ZDHHC2: variants seen among roughly 807,000 people sequenced by gnomAD.
ZDHHC2 encodes the protein palmitoyltransferase ZDHHC2.
Under a neutral mutation model 55.6 loss-of-function variants are expected in ZDHHC2, and 51 were observed. The observed-to-expected ratio is 0.92, with a 90% CI of 0.73 to 1.16. The LOEUF (loss-of-function observed/expected upper bound fraction) is 1.16. Among genes scored for constraint, ZDHHC2 ranks in the 50% most tolerant of loss-of-function variants. ZDHHC2 has a pLI of 0.00. For synonymous variants in ZDHHC2, 199 were observed against 152.9 expected (o/e 1.30, Z -2.22); for missense variants, 491 against 442.4 (o/e 1.11, Z -0.99).
chr8:17,208,003 T>C lies in ZDHHC2; in HGVS notation c.641T>C (p.Leu214Ser), dbSNP rs762632269. The C allele has an allele frequency of 1.9e-6, 3 of 1,594,310 alleles. No individual in the cohort carries two copies. Among genetic ancestry groups the C allele is most frequent in the East Asian group, 2.3e-5 (1 of 44,188 alleles). The change falls in exon 8 of 13, where the codon TTA (leucine) becomes TCA (serine). Residue 214 changes from leucine (L) to serine (S), a missense_variant. By Grantham distance (145) the Leu-to-Ser change is moderately radical. Transcript: ENST00000262096. ...CAAGCCAAGTTCCATATTATGTTTT[T>C]ATTCTTTGCTGCAGCTATGTTTTCT... ...DTQAKFHIMF[L>S]FFAAAMFSVS...
chr8:17,204,961 C>G (rs528002591), intron 6 of ZDHHC2, among the ~76,000 whole-genome samples: 32 of 152,234 alleles, frequency 2.1e-4, no homozygotes, highest in African/African-American at 7.5e-4. Context: ...GGAGTGAGAA[C>G]TGAGATTTAT....
At chr8:17,201,803 C>A (rs1462807029) in intron 6 of ZDHHC2, among the ~76,000 whole-genome samples, 3 of 151,760 alleles carry the variant, frequency 2.0e-5, no homozygotes, top group Non-Finnish European at 1.5e-5. Context: ...GCCAGGGCAG[C>A]TTTTTTATAC....
chr8:17,175,660 A>G (rs1386159252), intron 1 of ZDHHC2, among the ~76,000 whole-genome samples: 1 of 152,244 alleles, frequency 6.6e-6, no homozygotes, highest in African/African-American at 2.4e-5. Flanking sequence ...TGAGATAAAC[A>G]TTGAGATAAT....
At chr8:17,186,494 C>G in intron 3 of ZDHHC2, 69 bp downstream of exon 3, 4 of 919,668 alleles carry the variant, frequency 4.3e-6, no homozygotes, top group South Asian at 2.4e-5. Context: ...TATTGAAGAA[C>G]GAATTTTATT....
At chr8:17,220,179 A>C (rs1233044103) in intron 12 of ZDHHC2, 77 bp from the exon 13 acceptor site, 1 of 152,216 alleles carries the variant, frequency 6.6e-6, no homozygotes, top group Non-Finnish European at 1.5e-5. Context: ...TTATTGAAAC[A>C]GATTATGAAA....
At chr8:17,217,061 A>T (rs886660878) in intron 11 of ZDHHC2, 111 bp from the exon 12 acceptor site, 3 of 985,008 alleles carry the variant, frequency 3.0e-6, no homozygotes, top group Non-Finnish European at 4.6e-6. Context: ...TATTATGTAC[A>T]AGGCACCTTT....
chr8:17,214,078 G>C (rs907131497), intron 10 of ZDHHC2, among the ~76,000 whole-genome samples: 5 of 152,144 alleles, frequency 3.3e-5, no homozygotes, highest in African/African-American at 1.2e-4. Flanking sequence ...ATTCTTGAAA[G>C]AGTTTTAAGT....
intron 3 of ZDHHC2, among the ~76,000 whole-genome samples, 177 bp downstream of exon 3, chr8:17,186,602 G>A (rs775775700): frequency 7.9e-5 from 12 of 152,098 alleles, no homozygotes; most frequent in Admixed American, 6.5e-4. Flanking sequence ...AAATATTAGT[G>A]TTTTCACCAG....
At chr8:17,202,754 C>CAT in intron 6 of ZDHHC2, among the ~76,000 whole-genome samples, 2 of 150,784 alleles carry the variant, frequency 1.3e-5, no homozygotes, top group Admixed American at 1.3e-4. Flanking sequence ...CACACACACA[C>CAT]ATATACATGC....
chr8:17,176,760 A>C (rs1461808829), intron 1 of ZDHHC2, among the ~76,000 whole-genome samples: 1 of 152,164 alleles, frequency 6.6e-6, no homozygotes, highest in African/African-American at 2.4e-5. Flanking sequence ...GAGTTTGGAG[A>C]GAAAGGCAGG....
chr8:17,201,481 C>CTTTTTTTTTTT lies in ZDHHC2; in HGVS notation c.476+3088_476+3098dup, dbSNP rs1171396792. Among the ~76,000 whole-genome samples the CTTTTTTTTTTT allele has an allele frequency of 5.8e-4, 14 of 24,332 alleles. 2 individuals are homozygous for CTTTTTTTTTTT. The highest frequency in any genetic ancestry group is 1.9e-3 in the South Asian group (1 of 524). 16.0% of individuals were successfully genotyped at this position (24,332 alleles called of 152,430 possible). On this transcript the variant is annotated intron_variant, in intron 6 of 12. Transcript: ENST00000262096. ...GGGGCAGCCTTTTCTCTCTCTCTCT[C>CTTTTTTTTTTT]TTTTTTTTTTTTTTTTTTTTTTTTT... is the stretch of plus-strand genomic sequence containing the variant.
intron 1 of ZDHHC2, among the ~76,000 whole-genome samples, chr8:17,180,736 G>C (rs1805391298): frequency 6.6e-6 from 1 of 152,212 alleles, no homozygotes; most frequent in Non-Finnish European, 1.5e-5. Flanking sequence ...AAGCCAGCAA[G>C]TGGCAGAGGC....
chr8:17,161,879 A>G (rs1405769104), intron 1 of ZDHHC2, among the ~76,000 whole-genome samples: 1 of 152,218 alleles, frequency 6.6e-6, no homozygotes, highest in African/African-American at 2.4e-5. Flanking sequence ...AAAAAATAAA[A>G]AAAAGAAATT....
intron 1 of ZDHHC2, among the ~76,000 whole-genome samples, chr8:17,159,085 G>A (rs1203660843): frequency 6.6e-6 from 1 of 152,222 alleles, no homozygotes; most frequent in African/African-American, 2.4e-5. Context: ...CCTTGGTCGA[G>A]TGGGAAGTTG....
chr8:17,186,966 A>G (rs773552964), intron 3 of ZDHHC2, among the ~76,000 whole-genome samples: 9 of 152,156 alleles, frequency 5.9e-5, no homozygotes, highest in Admixed American at 2.0e-4. Context: ...CAACCATCAC[A>G]TCTACATTGT....
In ZDHHC2 at chr8:17,199,589, T is replaced by TTC. The variant is rs1563161581; in HGVS notation, c.476+1177_476+1178insCT. On this transcript the variant is annotated intron_variant, in intron 6 of 12. Coordinates refer to ENST00000262096, the MANE Select transcript of ZDHHC2 (RefSeq NM_016353.5). ...CTTCGTCTTTGTCTTCTTCTTCTTCTTTCTTCTTCTTTATTCTTTCTTCTT... is the reference window on the plus strand; with the variant it reads ...CTTCGTCTTTGTCTTCTTCTTCTTCTTCTTCTTCTTCTTTATTCTTTCTTCTT... 2.0e-4 allele frequency among the ~76,000 whole-genome samples: 9 copies of TTC among 45,976 alleles called. 1 individual carries two copies. The highest frequency in any genetic ancestry group is 1.4e-3 in the East Asian group (4 of 2,836). The allele number at this position is 45,976 out of a possible 152,430, so 30.2% of individuals were successfully genotyped here. A position where few individuals can be genotyped will look rare whatever the true frequency, so the allele number is the denominator to read the frequency against.
intron 10 of ZDHHC2, among the ~76,000 whole-genome samples, chr8:17,212,949 C>T (rs559462799): frequency 6.6e-6 from 1 of 152,156 alleles, no homozygotes; most frequent in African/African-American, 2.4e-5. Context: ...TGCAGCCTCA[C>T]ACTCCTGGGC....
intron 2 of ZDHHC2, among the ~76,000 whole-genome samples, chr8:17,185,663 A>G: frequency 6.6e-6 from 1 of 152,208 alleles, no homozygotes; most frequent in Non-Finnish European, 1.5e-5. Flanking sequence ...CTGTCTCAAA[A>G]AAAAGGAAAG....
chr8:17,190,951 C>CT (rs10601402), intron 3 of ZDHHC2, among the ~76,000 whole-genome samples: 2,415 of 52,798 alleles, frequency 0.046, 583 homozygotes, highest in Non-Finnish European at 0.062. Flanking sequence ...CTTATTCATT[C>CT]TTTTTTTTTT....
Sources: gnomAD v4.1 joint callset for allele counts (sites outside exome capture counted in the v4.1 genomes callset) on GRCh38, gnomAD v4.1.1 for gene constraint, MANE v1.5 for transcripts, NCBI Gene and HGNC (gene_info 2026-07-23, HGNC 2026-07-21) for gene names.